HSD17B14: variants seen among roughly 807,000 people sequenced by gnomAD.
HSD17B14 encodes the protein L-fucose dehydrogenase.
Under a neutral mutation model 32.2 loss-of-function variants are expected in HSD17B14, and 32 were observed. The ratio of observed to expected loss-of-function variants is 0.99; its 90% CI spans 0.75 to 1.33. The LOEUF is 1.33. Among genes scored for constraint, HSD17B14 ranks in the 40% most tolerant of loss-of-function variants. The pLI, the probability that HSD17B14 is intolerant of heterozygous loss-of-function variation, is 0.00. For synonymous variants in HSD17B14, 140 were observed against 155.4 expected, an observed-to-expected ratio of 0.90 and a Z score of 0.74; for missense variants, 370 against 366.5, an observed-to-expected ratio of 1.01 and a Z score of -0.08.
At chr19:48,815,547 G>A (rs2035037125) in intron 5 of HSD17B14, among the ~76,000 whole-genome samples, 1 of 152,126 alleles carries the variant, frequency 6.6e-6, no homozygotes, top group Non-Finnish European at 1.5e-5. Context: ...TGAAGTCTCT[G>A]TGGCCCAGGC....
At chr19:48,814,007 C>T (rs566197899) in intron 6 of HSD17B14, among the ~76,000 whole-genome samples, 147 of 151,810 alleles carry the variant, frequency 9.7e-4, no homozygotes, top group Non-Finnish European at 1.9e-3. Flanking sequence ...CCAGCCTGGC[C>T]AACATGGCAA....
intron 2 of HSD17B14, among the ~76,000 whole-genome samples, 162 bp from the exon 3 acceptor site, chr19:48,834,520 G>GT: frequency 9.6e-6 from 1 of 103,942 alleles, no homozygotes; most frequent in Non-Finnish European, 1.8e-5. Flanking sequence ...GAGGAAGTAG[G>GT]GCCTGGGGGC....
intron 5 of HSD17B14, among the ~76,000 whole-genome samples, chr19:48,828,765 A>G (rs1013034259): frequency 2.6e-5 from 4 of 151,994 alleles, no homozygotes; most frequent in African/African-American, 9.7e-5. Flanking sequence ...CCCCACCTCT[A>G]TTAAAAAATA....
intron 5 of HSD17B14, among the ~76,000 whole-genome samples, chr19:48,819,841 T>C (rs898015390): frequency 9.2e-5 from 14 of 152,160 alleles, no homozygotes; most frequent in African/African-American, 3.4e-4. Flanking sequence ...CCCTGCCCTA[T>C]CTCCAGCACC....
At chr19:48,818,265 C>T (rs1179108821) in intron 5 of HSD17B14, among the ~76,000 whole-genome samples, 3 of 149,950 alleles carry the variant, frequency 2.0e-5, no homozygotes, top group African/African-American at 7.4e-5. Context: ...AAGCCACAAT[C>T]GCACCACTGC....
intron 6 of HSD17B14, among the ~76,000 whole-genome samples, chr19:48,814,103 G>A (rs2035009905): frequency 6.6e-6 from 1 of 152,048 alleles, no homozygotes; most frequent in African/African-American, 2.4e-5. Flanking sequence ...GCTGAGGCGT[G>A]AGAATCGCTT....
At chr19:48,824,731 A>G (rs1385735321) in intron 5 of HSD17B14, among the ~76,000 whole-genome samples, 2 of 151,208 alleles carry the variant, frequency 1.3e-5, no homozygotes, top group East Asian at 3.9e-4. Flanking sequence ...GTGTCACTGC[A>G]TGCCAGCCTG....
chr19:48,815,030 G>T lies in HSD17B14; in HGVS notation c.474+7C>A. On this transcript the variant is annotated splice_region_variant and intron_variant, in intron 6 of 8. Transcript: ENST00000263278. Reference sequence around the variant, plus strand: ...GGGAGGGAAGGAAGGGGTAGGGGCTGCCATACCTTGGTGGCCACATAGGGA... The same window carrying T: ...GGGAGGGAAGGAAGGGGTAGGGGCTTCCATACCTTGGTGGCCACATAGGGA... 1.2e-6 allele frequency: 2 copies of T among 1,607,066 alleles called. No homozygotes were observed. The highest frequency in any genetic ancestry group is 1.7e-6 in the Non-Finnish European group (2 of 1,173,884).
chr19:48,835,724 G>A (rs1402887093), intron 2 of HSD17B14, 81 bp downstream of exon 2: 1 of 1,432,734 alleles, frequency 7.0e-7, no homozygotes, highest in Non-Finnish European at 9.8e-7. Context: ...TCCGGGGTCT[G>A]AGGGAGGAGG....
intron 5 of HSD17B14, among the ~76,000 whole-genome samples, chr19:48,824,744 G>T (rs1381719950): frequency 6.9e-6 from 1 of 145,342 alleles, no homozygotes; most frequent in African/African-American, 2.6e-5. Flanking sequence ...CCAGCCTGGC[G>T]ACAGAGCAAG....
chr19:48,813,975 C>G (rs1292674539), intron 6 of HSD17B14, among the ~76,000 whole-genome samples: 1 of 152,094 alleles, frequency 6.6e-6, no homozygotes, highest in Non-Finnish European at 1.5e-5. Context: ...ATGGGTGGAT[C>G]ACTTGGGCCA....
intron 4 of HSD17B14, 64 bp downstream of exon 4, chr19:48,832,602 G>A (rs2035358926): frequency 7.1e-7 from 1 of 1,399,810 alleles, no homozygotes; most frequent in Non-Finnish European, 1.0e-6. Context: ...TGGGGAAACT[G>A]ACGTGCAGGA....
intron 5 of HSD17B14, among the ~76,000 whole-genome samples, chr19:48,826,713 C>G (rs978958776): frequency 6.6e-6 from 1 of 151,406 alleles, no homozygotes; most frequent in Non-Finnish European, 1.5e-5. Context: ...GATTGCCCAA[C>G]CTCCCGGGAA....
intron 5 of HSD17B14, among the ~76,000 whole-genome samples, chr19:48,830,181 T>C (rs775645300): frequency 6.6e-6 from 1 of 151,954 alleles, no homozygotes; most frequent in Non-Finnish European, 1.5e-5. Flanking sequence ...CAACCCCCCT[T>C]TCTTCAAGGA....
At chr19:48,813,789 C>T in intron 6 of HSD17B14, 59 bp from the exon 7 acceptor site, 1 of 1,586,508 alleles carries the variant, frequency 6.3e-7, no homozygotes, top group Non-Finnish European at 8.7e-7. Context: ...TCCCTGCCAT[C>T]CATTGTCTCC....
chr19:48,818,640 C>T (rs1019220473), intron 5 of HSD17B14, among the ~76,000 whole-genome samples: 1 of 152,158 alleles, frequency 6.6e-6, no homozygotes, highest in East Asian at 1.9e-4. Context: ...AAATATTTGT[C>T]CCACACTCCC....
chr19:48,829,590 G>A (rs2035303010), intron 5 of HSD17B14, among the ~76,000 whole-genome samples: 2 of 148,836 alleles, frequency 1.3e-5, no homozygotes, highest in African/African-American at 5.0e-5. Context: ...GTCCGCCTTG[G>A]CCTCCCAAAG....
rs1265572608 is a variant in HSD17B14, at chr19:48,836,421, G to A, written c.-10C>T. The stretch of plus-strand genomic sequence containing the variant: ...GCGTTCCCGTAGCCATCCCGTGTAC[G>A]TCGGTCTCTCTCTCTCTCTACTCTG... On this transcript the variant is annotated 5_prime_UTR_variant, in exon 1 of 9. In the 5' UTR this introduces an upstream ATG that the reference lacks. Coordinates refer to ENST00000263278, the MANE Select transcript of HSD17B14 (RefSeq NM_016246.3). The A allele has an allele frequency of 1.9e-6, 3 of 1,611,886 alleles. No individual in the cohort carries two copies. Among genetic ancestry groups the A allele is most frequent in the Admixed American group, 3.3e-5 (2 of 59,956 alleles).
chr19:48,834,130 A>G (rs2035402477), intron 3 of HSD17B14, 146 bp downstream of exon 3: 4 of 653,090 alleles, frequency 6.1e-6, no homozygotes, highest in Admixed American at 4.6e-5. Flanking sequence ...TTGTGTGTGG[A>G]GTGACACTGG....
Sources: allele counts gnomAD v4.1 joint callset (sites outside exome capture counted in the v4.1 genomes callset), GRCh38; gene constraint gnomAD v4.1.1; transcripts MANE v1.5; gene names NCBI Gene and HGNC (gene_info 2026-07-23, HGNC 2026-07-21).